Variants in TLN1 observed in about 807,000 individuals in gnomAD.
TLN1 encodes talin-1.
TLN1 carries 56 observed loss-of-function variants against 292.3 expected under a neutral mutation model. The observed-to-expected ratio is 0.19, with a 90% CI of 0.15 to 0.24. The LOEUF (loss-of-function observed/expected upper bound fraction) is 0.24, where lower values mean the gene tolerates loss of function less well. Ranked by LOEUF, TLN1 falls within the 10% of genes least tolerant of loss-of-function variation. The probability of loss-of-function intolerance (pLI) is 1.00; values close to 1 mark genes in which losing one functional copy is unlikely to be tolerated. For synonymous variants in TLN1, 1,119 were observed against 1,253.7 expected (o/e 0.89, Z 2.27); for missense variants, 2,433 against 3,248.2 (o/e 0.75, Z 6.10).
Position 35,721,104 on chromosome 9 carries a change from T to C in TLN1, c.1105-191A>G, listed in dbSNP as rs552467471. Among the ~76,000 whole-genome samples, 4 of 152,188 alleles carry C rather than the reference T, an allele frequency of 2.6e-5. No individual in the cohort carries two copies. The East Asian group carries it at 7.7e-4, about 29-fold the overall frequency. On this transcript the variant is annotated intron_variant, in intron 10 of 56. Coordinates refer to ENST00000314888, the MANE Select transcript of TLN1 (RefSeq NM_006289.4). Reference sequence around the variant, plus strand: ...AGGGAAATTTTTTACTTCTGAGGAGTGGCCTCTACACTACACAGTTTCAAA... The same window carrying C: ...AGGGAAATTTTTTACTTCTGAGGAGCGGCCTCTACACTACACAGTTTCAAA...
rs531365576 is a variant in TLN1 at position 35,722,366 on chromosome 9, C to T, written c.844-143G>A. The T allele has an allele frequency of 4.8e-5, 35 of 728,092 alleles. 1 individual carries two copies. The highest frequency in any genetic ancestry group is 4.2e-4 in the South Asian group (26 of 61,942). 45.1% of individuals were successfully genotyped at this position (728,092 alleles called of 1,614,324 possible). A position where few individuals can be genotyped will look rare whatever the true frequency, so the allele number is the denominator to read the frequency against. ...ACAAGATATGAGAACGAGAGGGTAA[C>T]GGGATGGAGGCTGATAAGGGCTATG... On this transcript the variant is annotated intron_variant, in intron 8 of 56. Transcript: ENST00000314888.
rs1825865394 is a variant in TLN1, at chr9:35,720,672, C to G, written c.1206+140G>C. On this transcript the variant is annotated intron_variant, in intron 11 of 56. Transcript: ENST00000314888. ...ACAAGAAAGGGCTCTGTCACCCAGG[C>G]TGGAGTGCAGAGGCAAGATCTCGGC... 3 of 999,004 alleles carry G rather than the reference C, an allele frequency of 3.0e-6. No homozygotes were observed. The South Asian group carries it at 4.7e-5, about 15-fold the overall frequency. 61.9% of individuals were successfully genotyped at this position (999,004 alleles called of 1,614,324 possible). A position where few individuals can be genotyped will look rare whatever the true frequency, so the allele number is the denominator to read the frequency against.
chr9:35,724,415 ACCTC>A lies in TLN1; in HGVS notation c.512-85_512-82del. On this transcript the variant is annotated intron_variant, in intron 5 of 56. Coordinates refer to ENST00000314888, the MANE Select transcript of TLN1 (RefSeq NM_006289.4). This position sits in a 1 kb window ranked among gnomAD's most constrained non-coding sequence, Gnocchi z 4.7. ...GTCTCTGTTTATTTCTGCATTTCCT[ACCTC>A]CCCTCACTTAAATGTAAGTCCCATG... is the stretch of plus-strand genomic sequence containing the variant. 5.7e-6 allele frequency: 9 copies of A among 1,582,780 alleles called. No individual in the cohort carries two copies. Among genetic ancestry groups the A allele is most frequent in the Non-Finnish European group, 7.8e-6 (9 of 1,158,028 alleles).
Position 35,712,889 on chromosome 9 carries a change from C to A in TLN1, c.3507G>T (p.Ala1169=). The part of the protein sequence containing the change: ...LDKASSLIEE[A]KKAAGHPGDP... ...CCCCTGGATGGCCAGCTGCCTTTTT[C>A]GCCTCCTCAATGAGGCTGCTGGCCT... The change falls in exon 27 of 57, where the codon GCG becomes GCT. Residue 1169 remains alanine (A), a synonymous_variant. Coordinates refer to ENST00000314888, the MANE Select transcript of TLN1 (RefSeq NM_006289.4). 6.2e-7 allele frequency: 1 copy of A among 1,600,016 alleles called. No homozygotes were observed. Among genetic ancestry groups the A allele is most frequent in the East Asian group, 2.3e-5 (1 of 44,386 alleles).
chr9:35,725,032 G>A, intron 3 of TLN1, 73 bp from the exon 4 acceptor site: 5 of 1,604,932 alleles, frequency 3.1e-6, no homozygotes, highest in Non-Finnish European at 3.4e-6. Flanking sequence ...CACAGCCCGA[G>A]GGGAGAGAGT....
intron 20 of TLN1, among the ~76,000 whole-genome samples, chr9:35,715,990 C>A (rs892262935): frequency 4.6e-5 from 7 of 152,114 alleles, no homozygotes; most frequent in African/African-American, 1.7e-4. Flanking sequence ...GTTAATTACT[C>A]TGATCTGATT....
At chr9:35,711,154 T>C in intron 30 of TLN1, 72 bp from the exon 31 acceptor site, 1 of 1,610,342 alleles carries the variant, frequency 6.2e-7, no homozygotes, top group Non-Finnish European at 8.5e-7. Context: ...AGTATTTATC[T>C]TTTGCCTATA....
chr9:35,712,935 G>C lies in TLN1; in HGVS notation c.3461C>G (p.Thr1154Arg). 2.5e-6 allele frequency: 4 copies of C among 1,609,074 alleles called. No individual in the cohort carries two copies. Among genetic ancestry groups the C allele is most frequent in the Non-Finnish European group, 2.5e-6 (3 of 1,177,914 alleles). The change falls in exon 27 of 57, where the codon ACG becomes AGG. Residue 1154 changes from threonine (T) to arginine (R), a missense_variant. Thr to Arg is a moderately conservative substitution (Grantham distance 71). Transcript: ENST00000314888. ...DPAVQAIVLD[T>R]ASDVLDKASS... The stretch of plus-strand genomic sequence containing the variant: ...GGCCTTGTCCAGCACATCACTGGCC[G>C]TATCAAGTACAATGGCCTGCACTGC...
rs777017174 is a variant in TLN1, at chr9:35,724,863, T to C, written c.325A>G (p.Thr109Ala). The C allele has an allele frequency of 2.9e-5, 47 of 1,614,050 alleles. No individual in the cohort carries two copies. Among genetic ancestry groups the C allele is most frequent in the Middle Eastern group, 3.3e-4 (2 of 6,084 alleles). Residue 109 changes from threonine to alanine, a missense_variant, in exon 4 of 57, where the codon ACT becomes GCT. Thr to Ala is a moderately conservative substitution (Grantham distance 58). Transcript: ENST00000314888. This position sits in a 1 kb window ranked among gnomAD's most constrained non-coding sequence, Gnocchi z 4.7. ...TIMVDDSKTV[T>A]DMLMTICARI... ...GCACAGATGGTCATGAGCATGTCAG[T>C]GACAGTCTTAGAGTCATCCACCATG... is the stretch of plus-strand genomic sequence containing the variant.
intron 12 of TLN1, 103 bp downstream of exon 12, chr9:35,720,326 CTAGT>C (rs1362552304): frequency 2.6e-6 from 4 of 1,534,540 alleles, no homozygotes; most frequent in South Asian, 1.2e-5. Flanking sequence ...CAGCCTGCAA[CTAGT>C]TAAAGAACCA....
In TLN1 at chr9:35,704,772, C is replaced by G. The variant is rs1366822788; in HGVS notation, c.5777G>C (p.Gly1926Ala). Residue 1926 changes from glycine (G) to alanine (A), a missense_variant, in exon 44 of 57, where the codon GGC becomes GCC. Physicochemically the swap from Gly to Ala is moderately conservative, Grantham distance 60 (BLOSUM62 0). Transcript: ENST00000314888. This position sits in a 1 kb window ranked among gnomAD's most constrained non-coding sequence, Gnocchi z 6.9. The part of the protein sequence containing the change: ...IKHRVQELGH[G>A]CAALVTKAGA... Reference sequence around the variant, plus strand: ...TGCCTTGGTGACCAGAGCGGCACAGCCATGGCCCAGCTCCTGTACCCGGTG... The same window carrying G: ...TGCCTTGGTGACCAGAGCGGCACAGGCATGGCCCAGCTCCTGTACCCGGTG... 6.2e-7 allele frequency: 1 copy of G among 1,614,190 alleles called. No individual in the cohort carries two copies. The highest frequency in any genetic ancestry group is 1.7e-5 in the Admixed American group (1 of 60,026).
intron 17 of TLN1, 67 bp downstream of exon 17, chr9:35,718,745 A>C: frequency 7.2e-7 from 1 of 1,397,206 alleles, no homozygotes; most frequent in East Asian, 2.4e-5. Flanking sequence ...AGGACTAGGA[A>C]CTGGATTCAC....
At position 35,720,832 on chromosome 9, in the gene TLN1, T is replaced by A; in HGVS notation, c.1186A>T (p.Ile396Phe). 6.2e-7 allele frequency: 1 copy of A among 1,614,140 alleles called. No individual in the cohort carries two copies. The highest frequency in any genetic ancestry group is 8.5e-7 in the Non-Finnish European group (1 of 1,180,006). Reference sequence around the variant, plus strand: ...CTCACCTTCTTCAGGATGATATCGATGTAGCCGGCAATGAGCTGTGCAATC... The same window carrying A: ...CTCACCTTCTTCAGGATGATATCGAAGTAGCCGGCAATGAGCTGTGCAATC... ...EQIAQLIAGY[I>F]DIILKKKKSK... Residue 396 changes from isoleucine to phenylalanine, a missense_variant, in exon 11 of 57, where the codon ATC (isoleucine) becomes TTC (phenylalanine). Physicochemically the swap from Ile to Phe is conservative, Grantham distance 21. This residue lies in a region of TLN1 where 57 missense variants were observed against 136.5 expected (regional missense o/e 0.42). Transcript: ENST00000314888.
chr9:35,711,471 A>G (rs1208825097), intron 29 of TLN1, 77 bp from the exon 30 acceptor site: 1 of 1,607,406 alleles, frequency 6.2e-7, no homozygotes, highest in Non-Finnish European at 8.5e-7. Context: ...TTTCCCAGAC[A>G]CTCAAGTAGT....
chr9:35,706,026 T>C lies in TLN1; in HGVS notation c.5447A>G (p.Glu1816Gly). The C allele has an allele frequency of 6.2e-7, 1 of 1,614,210 alleles. No individual in the cohort carries two copies. The highest frequency in any genetic ancestry group is 8.5e-7 in the Non-Finnish European group (1 of 1,180,032). ...AVEDLTTTLN[E>G]AASAAGVVGG... ...CACGACCCCAGCAGCACTGGCTGCC[T>C]CGTTGAGGGTTGTTGTCAGGTCCTC... The change falls in exon 41 of 57, where the codon GAG becomes GGG. Residue 1816 changes from glutamate (E) to glycine (G), a missense_variant. Physicochemically the swap from Glu to Gly is moderately conservative, Grantham distance 98 (BLOSUM62 -2). This residue lies in a region of TLN1 where 1,384 missense variants were observed against 1,699.6 expected (regional missense o/e 0.81). Transcript: ENST00000314888. The surrounding 1 kb of genome is among the most constrained non-coding windows in gnomAD (Gnocchi z 4.2).
intron 7 of TLN1, chr9:35,723,655 T>G (rs1024474235): frequency 7.1e-5 from 24 of 339,678 alleles, no homozygotes; most frequent in South Asian, 4.5e-4. Flanking sequence ...ATAGGGAAAA[T>G]TTTACCCGGT....
Position 35,717,518 on chromosome 9 carries a change from G to A in TLN1, c.2164-78C>T. 1.3e-6 allele frequency: 2 copies of A among 1,575,028 alleles called. No homozygotes were observed. Among genetic ancestry groups the A allele is most frequent in the South Asian group, 1.2e-5 (1 of 86,264 alleles). On this transcript the variant is annotated intron_variant, in intron 18 of 56. Transcript: ENST00000314888. This position sits in a 1 kb window ranked among gnomAD's most constrained non-coding sequence, Gnocchi z 4.7. ...TGCTGCTCATAGCAGTAACTGGGAT[G>A]GGTGAGGAGGCCTCCAGAGCCAAAG...
Position 35,706,565 on chromosome 9 carries a change from G to A in TLN1, c.5089-14C>T. The A allele has an allele frequency of 6.2e-7, 1 of 1,613,112 alleles. No individual in the cohort carries two copies. Among genetic ancestry groups the A allele is most frequent in the Non-Finnish European group, 8.5e-7 (1 of 1,179,444 alleles). ...AGTGTGCAAGGCCTGGGGAGGAAGT[G>A]GACATTAGCCCTGATGGTGACCTGC... is the stretch of plus-strand genomic sequence containing the variant. On this transcript the variant is annotated splice_polypyrimidine_tract_variant and intron_variant, in intron 38 of 56. Coordinates refer to ENST00000314888, the MANE Select transcript of TLN1 (RefSeq NM_006289.4). This position sits in a 1 kb window ranked among gnomAD's most constrained non-coding sequence, Gnocchi z 4.2.
Position 35,721,979 on chromosome 9 carries a change from A to C in TLN1, c.948+140T>G, listed in dbSNP as rs568227781. 3.0e-5 allele frequency: 34 copies of C among 1,140,374 alleles called. No individual in the cohort carries two copies. The African/African-American group carries it at 4.4e-4, about 15-fold the overall frequency. 70.6% of individuals were successfully genotyped at this position (1,140,374 alleles called of 1,614,324 possible). A position where few individuals can be genotyped will look rare whatever the true frequency, so the allele number is the denominator to read the frequency against. On this transcript the variant is annotated intron_variant, in intron 9 of 56. Transcript: ENST00000314888. Reference sequence around the variant, plus strand: ...TAGGGCTGATGACAGGCAGGTTTTCATGAGGTCAGAGCAAGGAAGAGAATG... The same window carrying C: ...TAGGGCTGATGACAGGCAGGTTTTCCTGAGGTCAGAGCAAGGAAGAGAATG...
Sources: gnomAD v4.1 joint callset for allele counts (sites outside exome capture counted in the v4.1 genomes callset) on GRCh38, gnomAD v4.1.1 for gene constraint, gnomAD v4.1.1 regional missense constraint, Gnocchi (gnomAD v3.1) non-coding constraint, MANE v1.5 for transcripts, NCBI Gene and HGNC (gene_info 2026-07-23, HGNC 2026-07-21) for gene names.